Variants in PTPN4 observed in about 807,000 individuals in gnomAD.
PTPN4 encodes the protein protein tyrosine phosphatase non-receptor type 4.
A neutral mutation model predicts 135.5 loss-of-function variants in PTPN4; 49 were observed. That is an observed-to-expected ratio of 0.36 (90% CI 0.29 to 0.46). The LOEUF (loss-of-function observed/expected upper bound fraction) is 0.46. Among genes scored for constraint, PTPN4 ranks in the 20% least tolerant of loss-of-function variants. The probability of loss-of-function intolerance (pLI) is 1.00; values close to 1 mark genes in which losing one functional copy is unlikely to be tolerated. For missense variants in PTPN4, 860 were observed against 1,101.0 expected (o/e 0.78, Z 3.10); for synonymous variants, 333 against 369.9 (o/e 0.90, Z 1.14).
chr2:119,964,987 A>G (rs1679425428), intron 24 of PTPN4, among the ~76,000 whole-genome samples: 1 of 152,146 alleles, frequency 6.6e-6, no homozygotes, highest in Non-Finnish European at 1.5e-5. Flanking sequence ...AGATGGGAGG[A>G]GACCCTCAAA....
At chr2:119,797,741 TA>T (rs1363391489) in intron 1 of PTPN4, among the ~76,000 whole-genome samples, 1 of 152,196 alleles carries the variant, frequency 6.6e-6, no homozygotes, top group Non-Finnish European at 1.5e-5. Context: ...CCTTTGAGGT[TA>T]AAACAAGGTC....
chr2:119,967,364 G>A (rs532694010), intron 25 of PTPN4, among the ~76,000 whole-genome samples: 46 of 152,072 alleles, frequency 3.0e-4, no homozygotes, highest in African/African-American at 8.7e-4. Flanking sequence ...CAGGAGAATC[G>A]CTTGAGCCCA....
At chr2:119,930,736 G>A (rs902690295) in intron 13 of PTPN4, among the ~76,000 whole-genome samples, 2 of 151,978 alleles carry the variant, frequency 1.3e-5, no homozygotes, top group Non-Finnish European at 2.9e-5. Flanking sequence ...CAAACTTCAT[G>A]AGATCATTAT....
intron 25 of PTPN4, among the ~76,000 whole-genome samples, chr2:119,966,548 G>A (rs575767389): frequency 7.9e-5 from 12 of 152,276 alleles, no homozygotes; most frequent in South Asian, 2.1e-4. Flanking sequence ...GTGAGCCACC[G>A]CGCCTCACCG....
chr2:119,945,645 T>C (rs1396791912), intron 16 of PTPN4, among the ~76,000 whole-genome samples: 1 of 151,920 alleles, frequency 6.6e-6, no homozygotes, highest in Admixed American at 6.6e-5. Context: ...ACATACTGAA[T>C]GAAAGAAGCC....
intron 16 of PTPN4, among the ~76,000 whole-genome samples, chr2:119,945,531 AG>A (rs1679120057): frequency 6.6e-6 from 1 of 152,072 alleles, no homozygotes; most frequent in African/African-American, 2.4e-5. Flanking sequence ...TCCTTCAAAG[AG>A]CAGGCATAGA....
chr2:119,841,560 A>G (rs942705766), intron 2 of PTPN4, among the ~76,000 whole-genome samples: 1 of 152,198 alleles, frequency 6.6e-6, no homozygotes, highest in African/African-American at 2.4e-5. Context: ...TTATGCATAT[A>G]TATCTATTTC....
intron 1 of PTPN4, among the ~76,000 whole-genome samples, chr2:119,775,510 A>G (rs1690819103): frequency 6.6e-6 from 1 of 152,206 alleles, no homozygotes; most frequent in Non-Finnish European, 1.5e-5. Flanking sequence ...TCCAAACACA[A>G]CATTTCTAAT....
In PTPN4 at chr2:119,946,360, A is replaced by G. The variant is rs1679132634; in HGVS notation, c.1535A>G (p.His512Arg). The stretch of plus-strand genomic sequence containing the variant: ...TTTAAGCCTAATGGTGGTATTCCAC[A>G]TGATAATCTTGTCCTAATCAGAATG... Reference protein sequence around the residue: ...EKPTPNGGIPHDNLVLIRMKP... With the variant: ...EKPTPNGGIPRDNLVLIRMKP... The change falls in exon 17 of 27, where the codon CAT (histidine) becomes CGT (arginine). Residue 512 changes from histidine (H) to arginine (R), a missense_variant. Physicochemically the swap from His to Arg is conservative, Grantham distance 29 (BLOSUM62 0). Coordinates refer to ENST00000263708, the MANE Select transcript of PTPN4 (RefSeq NM_002830.4). 3 of 1,607,472 alleles carry G rather than the reference A, an allele frequency of 1.9e-6. No individual in the cohort carries two copies. Among genetic ancestry groups the G allele is most frequent in the Non-Finnish European group, 2.5e-6 (3 of 1,177,186 alleles).
At position 119,942,074 on chromosome 2, in the gene PTPN4, A is replaced by G. The variant is rs1476729909; in HGVS notation, c.1356-3007A>G. Among the ~76,000 whole-genome samples the G allele has an allele frequency of 2.6e-5, 4 of 152,224 alleles. No homozygotes were observed. In the East Asian group the frequency reaches 7.7e-4, roughly 29 times the overall value. On this transcript the variant is annotated intron_variant, in intron 15 of 26. Transcript: ENST00000263708. The stretch of plus-strand genomic sequence containing the variant: ...TAACTCAATTATTTTTATAAAAACA[A>G]TGAATGGTCCAAATGTATGTTGGCC...
In PTPN4 at chr2:119,967,291, C is replaced by G. The variant is rs886721073; in HGVS notation, c.2559-546C>G. On this transcript the variant is annotated intron_variant, in intron 25 of 26. Transcript: ENST00000263708. Reference sequence around the variant, plus strand: ...TGAAACCCTGTGTCTACTAAAAATACAAAAAAAATTAGCCAGGTGTGGTGG... The same window carrying G: ...TGAAACCCTGTGTCTACTAAAAATAGAAAAAAAATTAGCCAGGTGTGGTGG... Among the ~76,000 whole-genome samples, 3 of 151,582 alleles carry G rather than the reference C, an allele frequency of 2.0e-5. No individual in the cohort carries two copies. In the South Asian group the frequency reaches 6.2e-4, roughly 32 times the overall value.
chr2:119,965,719 G>A, intron 25 of PTPN4, 74 bp downstream of exon 25: 1 of 1,491,868 alleles, frequency 6.7e-7, no homozygotes, highest in African/African-American at 1.4e-5. Context: ...TACATATTTT[G>A]TCCTTATGGT....
At chr2:119,796,361 C>A (rs569004448) in intron 1 of PTPN4, among the ~76,000 whole-genome samples, 28 of 152,214 alleles carry the variant, frequency 1.8e-4, no homozygotes, top group Non-Finnish European at 5.9e-5. Context: ...ACAGCTCCCC[C>A]ACTGGACTCT....
At chr2:119,917,488 CT>C (rs1222962520) in intron 11 of PTPN4, among the ~76,000 whole-genome samples, 1 of 152,148 alleles carries the variant, frequency 6.6e-6, no homozygotes, top group Non-Finnish European at 1.5e-5. Flanking sequence ...AATCCCAGCA[CT>C]GTGGGAGGCT....
At chr2:119,833,938 T>C (rs1435787940) in intron 2 of PTPN4, among the ~76,000 whole-genome samples, 1 of 152,216 alleles carries the variant, frequency 6.6e-6, no homozygotes. Flanking sequence ...TCACCTTATT[T>C]AGGCCCAAGG....
intron 9 of PTPN4, among the ~76,000 whole-genome samples, chr2:119,894,128 G>T (rs985325764): frequency 6.6e-6 from 1 of 152,190 alleles, no homozygotes; most frequent in Admixed American, 6.5e-5. Flanking sequence ...GAAAAGTTAA[G>T]TAATGTGACC....
chr2:119,934,255 G>T (rs941488599), intron 14 of PTPN4, among the ~76,000 whole-genome samples: 3 of 151,972 alleles, frequency 2.0e-5, no homozygotes, highest in African/African-American at 7.3e-5. Context: ...CTTTCTTATA[G>T]TACTGTTATG....
chr2:119,794,620 T>G (rs1691219821), intron 1 of PTPN4, among the ~76,000 whole-genome samples: 1 of 152,204 alleles, frequency 6.6e-6, no homozygotes, highest in Non-Finnish European at 1.5e-5. Flanking sequence ...TCACGGAGCC[T>G]TGAAGAGGGT....
chr2:119,772,728 G>A (rs1327654500), intron 1 of PTPN4, among the ~76,000 whole-genome samples: 3 of 151,978 alleles, frequency 2.0e-5, no homozygotes, highest in African/African-American at 2.4e-5. Context: ...TGGTAGAGAC[G>A]GGGTTTCACT....
Sources: gnomAD v4.1 joint callset for allele counts (sites outside exome capture counted in the v4.1 genomes callset) on GRCh38, gnomAD v4.1.1 for gene constraint, MANE v1.5 for transcripts, NCBI Gene and HGNC (gene_info 2026-07-23, HGNC 2026-07-21) for gene names.